Variants in GPR157 observed in about 807,000 individuals in gnomAD.
The protein encoded by GPR157 is G protein-coupled receptor 157.
In GPR157, 16 loss-of-function variants were observed where a neutral mutation model predicts 23.5. That is an observed-to-expected ratio of 0.68 (90% confidence interval 0.46 to 1.04). GPR157 has a LOEUF of 1.04. Among genes scored for constraint, GPR157 ranks in the 50% least tolerant of loss-of-function variants. The pLI is 0.00. For missense variants in GPR157, 440 were observed against 460.7 expected (o/e 0.96, Z 0.41); for synonymous variants, 200 against 221.5 (o/e 0.90, Z 0.86).
intron 2 of GPR157, among the ~76,000 whole-genome samples, chr1:9,106,438 C>A (rs1638330983): frequency 6.6e-6 from 1 of 152,210 alleles, no homozygotes; most frequent in Non-Finnish European, 1.5e-5. Context: ...ACTCCACATG[C>A]TCCTTACGGT....
At chr1:9,126,707 C>G (rs1288198075) in intron 1 of GPR157, among the ~76,000 whole-genome samples, 1 of 152,128 alleles carries the variant, frequency 6.6e-6, no homozygotes, top group Non-Finnish European at 1.5e-5. Context: ...ACAGATGAAC[C>G]TGTTAGGCAG....
rs1425449367 is a variant in GPR157 at position 9,113,857 on chromosome 1, C to T, written c.384-2368G>A. On this transcript the variant is annotated intron_variant, in intron 1 of 3. Coordinates refer to ENST00000377411, the MANE Select transcript of GPR157 (RefSeq NM_024980.5). ...ACTTGGGAGCCTGAGGCAGGAGAAT[C>T]GCTTGAACCTGGGAGGCAGAGGTTG... Among the ~76,000 whole-genome samples the T allele has an allele frequency of 3.3e-5, 5 of 151,390 alleles. No homozygotes were observed. The East Asian group carries it at 7.8e-4, about 24-fold the overall frequency.
At chr1:9,109,197 C>T (rs959391724) in intron 2 of GPR157, among the ~76,000 whole-genome samples, 2 of 150,310 alleles carry the variant, frequency 1.3e-5, no homozygotes, top group African/African-American at 2.5e-5. Flanking sequence ...ATTCTCCTGC[C>T]TCAGCCTCCT....
chr1:9,106,089 C>T (rs1005437400), intron 2 of GPR157, among the ~76,000 whole-genome samples: 1 of 152,150 alleles, frequency 6.6e-6, no homozygotes, highest in Non-Finnish European at 1.5e-5. Context: ...AAAATAGATG[C>T]AGGGTCTCCC....
In GPR157 at chr1:9,128,980, G is replaced by A; in HGVS notation, c.48C>T (p.Ala16=). ...PPTELVPSER[A]VVLLSCALSA... ...AGAGTGCGCACGACAGCAGCACCAC[G>A]GCGCGCTCCGACGGCACCAGCTCGG... Residue 16 remains alanine (A), a synonymous_variant, in exon 1 of 4, where the codon GCC becomes GCT. Coordinates refer to ENST00000377411, the MANE Select transcript of GPR157 (RefSeq NM_024980.5). The surrounding 1 kb of genome is among the most constrained non-coding windows in gnomAD (Gnocchi z 6.3). 8.7e-6 allele frequency: 12 copies of A among 1,373,122 alleles called. No homozygotes were observed. The highest frequency in any genetic ancestry group is 1.1e-5 in the Non-Finnish European group (12 of 1,067,520). 85.1% of individuals were successfully genotyped at this position (1,373,122 alleles called of 1,614,324 possible). A position where few individuals can be genotyped will look rare whatever the true frequency, so the allele number is the denominator to read the frequency against.
intron 2 of GPR157, among the ~76,000 whole-genome samples, chr1:9,108,694 G>A (rs1320908599): frequency 6.6e-6 from 1 of 152,116 alleles, no homozygotes; most frequent in Non-Finnish European, 1.5e-5. Context: ...TGTCACCCAG[G>A]CTGGAATACA....
intron 2 of GPR157, among the ~76,000 whole-genome samples, chr1:9,107,295 A>C (rs1300286052): frequency 2.0e-5 from 3 of 152,234 alleles, no homozygotes; most frequent in African/African-American, 7.2e-5. Flanking sequence ...GATTCCTTCC[A>C]GATCAAAGCT....
intron 3 of GPR157, 106 bp from the exon 4 acceptor site, chr1:9,104,740 C>A (rs1638236352): frequency 2.6e-6 from 2 of 768,178 alleles, no homozygotes; most frequent in African/African-American, 3.5e-5. Context: ...GTGGCTCACA[C>A]CTGTAATCCC....
At position 9,128,664 on chromosome 1, in the gene GPR157, A is replaced by G; in HGVS notation, c.364T>C (p.Trp122Arg). The change falls in exon 1 of 4, where the codon TGG becomes CGG. Residue 122 changes from tryptophan (W) to arginine (R), a missense_variant. Trp to Arg is a moderately radical substitution (Grantham distance 101). Transcript: ENST00000377411. The surrounding 1 kb of genome is among the most constrained non-coding windows in gnomAD (Gnocchi z 6.3). The part of the protein sequence containing the change: ...ARGPRTDRLL[W>R]AFHVVSWGVP... ...ACCCACCTGACGACATGGAAGGCCC[A>G]AAGCAGGCGATCTGTGCGAGGCCCG... is the stretch of plus-strand genomic sequence containing the variant. The G allele has an allele frequency of 6.2e-7, 1 of 1,613,040 alleles. No individual in the cohort carries two copies. The highest frequency in any genetic ancestry group is 8.5e-7 in the Non-Finnish European group (1 of 1,179,882).
chr1:9,105,062 C>CACACACATGCAT lies in GPR157; in HGVS notation c.792+412_792+423dup, dbSNP rs1553174080. On this transcript the variant is annotated intron_variant, in intron 3 of 3. Transcript: ENST00000377411. The surrounding 1 kb of genome is among the most constrained non-coding windows in gnomAD (Gnocchi z 4.8). ...ACACACACACACACACACACACACACACACACATGCATACACACATGCATA... is the reference window on the plus strand; with the variant it reads ...ACACACACACACACACACACACACACACACACATGCATACACACATGCATACACACATGCATA... Among the ~76,000 whole-genome samples, 2 of 146,816 alleles carry CACACACATGCAT rather than the reference C, an allele frequency of 1.4e-5. No homozygotes were observed. The highest frequency in any genetic ancestry group is 2.5e-5 in the African/African-American group (1 of 39,852).
rs1638767927 is a variant in GPR157, at chr1:9,120,108, C to T, written c.383+8537G>A. Among the ~76,000 whole-genome samples, 1 of 152,176 alleles carries T rather than the reference C, an allele frequency of 6.6e-6. No homozygotes were observed. Among genetic ancestry groups the T allele is most frequent in the African/African-American group, 2.4e-5 (1 of 41,436 alleles). On this transcript the variant is annotated intron_variant, in intron 1 of 3. Coordinates refer to ENST00000377411, the MANE Select transcript of GPR157 (RefSeq NM_024980.5). This position sits in a 1 kb window ranked among gnomAD's most constrained non-coding sequence, Gnocchi z 4.1. ...GACAGGGAGACACACCTCCACTTCACACACAAATGGACAGTTATATTGAAA... is the reference window on the plus strand; with the variant it reads ...GACAGGGAGACACACCTCCACTTCATACACAAATGGACAGTTATATTGAAA...
At chr1:9,111,554 G>A (rs564630583) in intron 1 of GPR157, 65 bp from the exon 2 acceptor site, 153 of 1,365,962 alleles carry the variant, frequency 1.1e-4, no homozygotes, top group Non-Finnish European at 1.5e-4. Flanking sequence ...GTCAGCCTTC[G>A]CAAAAATGAC....
In GPR157 at chr1:9,105,460, ACAAGGGCCAGGGAGGG is replaced by A. The variant is rs1353682033; in HGVS notation, c.792+10_792+25del. ...TGTGCCTCCTCTGGGGGCAGGGACG[ACAAGGGCCAGGGAGGG>A]CAGACCTACATGCAGAACCACCAGC... is the stretch of plus-strand genomic sequence containing the variant. On this transcript the variant is annotated intron_variant, in intron 3 of 3. Transcript: ENST00000377411. This position sits in a 1 kb window ranked among gnomAD's most constrained non-coding sequence, Gnocchi z 4.8. 9 of 1,520,902 alleles carry A rather than the reference ACAAGGGCCAGGGAGGG, an allele frequency of 5.9e-6. No individual in the cohort carries two copies. The Admixed American group carries it at 1.8e-4, about 31-fold the overall frequency. 94.2% of individuals were successfully genotyped at this position (1,520,902 alleles called of 1,614,324 possible). A position where few individuals can be genotyped will look rare whatever the true frequency, so the allele number is the denominator to read the frequency against.
intron 1 of GPR157, among the ~76,000 whole-genome samples, chr1:9,125,513 G>A (rs983616828): frequency 5.9e-5 from 9 of 152,138 alleles, no homozygotes; most frequent in African/African-American, 1.7e-4. Flanking sequence ...TCTGTAAAGG[G>A]GGCCACGCAG....
intron 1 of GPR157, among the ~76,000 whole-genome samples, chr1:9,123,963 G>A (rs1489289528): frequency 6.6e-6 from 1 of 151,072 alleles, no homozygotes; most frequent in Admixed American, 6.7e-5. Context: ...TGAGGAGCTG[G>A]GACTGCAGCC....
In GPR157 at chr1:9,128,183, C is replaced by T. The variant is rs977727171; in HGVS notation, c.383+462G>A. The T allele has an allele frequency of 1.8e-5, 8 of 438,024 alleles. No homozygotes were observed. Among genetic ancestry groups the T allele is most frequent in the African/African-American group, 1.2e-4 (6 of 50,034 alleles). The allele number at this position is 438,024 out of a possible 1,614,324, so 27.1% of individuals were successfully genotyped here. The stretch of plus-strand genomic sequence containing the variant: ...CAGAGACACGGCAGCTCGGGAGTGG[C>T]GGAGTGCACCAAGCTCACTGTGGCT... On this transcript the variant is annotated intron_variant, in intron 1 of 3. Coordinates refer to ENST00000377411, the MANE Select transcript of GPR157 (RefSeq NM_024980.5). This position sits in a 1 kb window ranked among gnomAD's most constrained non-coding sequence, Gnocchi z 6.3.
chr1:9,108,207 C>T (rs866461641), intron 2 of GPR157, among the ~76,000 whole-genome samples: 2 of 152,176 alleles, frequency 1.3e-5, no homozygotes, highest in Non-Finnish European at 2.9e-5. Context: ...ACTGCTGCAT[C>T]GTGGTATCTC....
At chr1:9,122,082 C>T (rs12144117) in intron 1 of GPR157, among the ~76,000 whole-genome samples, 26,068 of 152,090 alleles carry the variant, frequency 0.17, 2,820 homozygotes, top group Admixed American at 0.25. Flanking sequence ...ATCACGCTGG[C>T]GCCCACCACC....
At chr1:9,113,072 T>G (rs1041848006) in intron 1 of GPR157, among the ~76,000 whole-genome samples, 6 of 152,144 alleles carry the variant, frequency 3.9e-5, no homozygotes, top group Non-Finnish European at 5.9e-5. Context: ...CGGGTCGTTA[T>G]GAGAACAAAT....
Sources: allele counts gnomAD v4.1 joint callset (sites outside exome capture counted in the v4.1 genomes callset), GRCh38; gene constraint gnomAD v4.1.1; non-coding constraint Gnocchi (gnomAD v3.1); transcripts MANE v1.5; gene names NCBI Gene and HGNC (gene_info 2026-07-23, HGNC 2026-07-21).